The following DNAJC1 variants were observed in gnomAD, a reference collection of about 807,000 sequenced individuals.
DNAJC1 encodes the protein dnaJ homolog subfamily C member 1.
A neutral mutation model predicts 76.6 loss-of-function variants in DNAJC1; 58 were observed. The ratio of observed to expected loss-of-function variants is 0.76; its 90% confidence interval spans 0.61 to 0.94. The LOEUF (loss-of-function observed/expected upper bound fraction) is 0.94, where lower values mean the gene tolerates loss of function less well. Among genes scored for constraint, DNAJC1 ranks in the 40% least tolerant of loss-of-function variants. The pLI, the probability that DNAJC1 is intolerant of heterozygous loss-of-function variation, is 0.00. For missense variants in DNAJC1, 689 were observed against 677.3 expected (o/e 1.02, Z -0.19); for synonymous variants, 258 against 267.9 (o/e 0.96, Z 0.36).
At chr10:21,980,193 T>A (rs1378147147) in intron 1 of DNAJC1, among the ~76,000 whole-genome samples, 1 of 152,066 alleles carries the variant, frequency 6.6e-6, no homozygotes, top group Non-Finnish European at 1.5e-5. Context: ...GAACAAACTA[T>A]ATACACATAT....
intron 8 of DNAJC1, among the ~76,000 whole-genome samples, chr10:21,852,068 TA>T (rs1034392129): frequency 1.5e-4 from 17 of 115,970 alleles, no homozygotes; most frequent in South Asian, 2.8e-4. Context: ...AAATAAAAAA[TA>T]AAAAAAATAA....
At chr10:21,778,358 G>A (rs1360975558) in intron 9 of DNAJC1, among the ~76,000 whole-genome samples, 2 of 152,130 alleles carry the variant, frequency 1.3e-5, no homozygotes, top group Admixed American at 6.5e-5. Flanking sequence ...AAAACAAAAG[G>A]ATTGCATTCA....
At chr10:21,860,118 A>G (rs565133151) in intron 8 of DNAJC1, among the ~76,000 whole-genome samples, 6 of 151,848 alleles carry the variant, frequency 4.0e-5, no homozygotes, top group East Asian at 1.9e-4. Context: ...CAGAGAGGGT[A>G]ACTAGGACAT....
intron 8 of DNAJC1, among the ~76,000 whole-genome samples, chr10:21,825,247 A>G (rs182359488): frequency 1.0e-3 from 156 of 152,310 alleles, no homozygotes; most frequent in Middle Eastern, 0.01. Context: ...TGGAAAACAC[A>G]TATTTGCATT....
rs368416541 is a variant in DNAJC1, at chr10:21,970,092, T to C, written c.222+33121A>G. Among the ~76,000 whole-genome samples the C allele has an allele frequency of 3.3e-5, 5 of 152,320 alleles. No homozygotes were observed. In the East Asian group the frequency reaches 5.8e-4, roughly 18 times the overall value. Reference sequence around the variant, plus strand: ...TAACCTTTTAACAATTTATTTGTATTAGCATTTCTCACTACTCAGCATTTT... The same window carrying C: ...TAACCTTTTAACAATTTATTTGTATCAGCATTTCTCACTACTCAGCATTTT... On this transcript the variant is annotated intron_variant, in intron 1 of 11. Transcript: ENST00000376980.
intron 1 of DNAJC1, among the ~76,000 whole-genome samples, chr10:21,987,705 AAC>A (rs1838269374): frequency 6.6e-6 from 1 of 152,220 alleles, no homozygotes; most frequent in Admixed American, 6.5e-5. Context: ...TTATCTCATA[AAC>A]ATGAAAACAT....
At chr10:21,926,761 C>T (rs1479199400) in intron 3 of DNAJC1, among the ~76,000 whole-genome samples, 1 of 152,150 alleles carries the variant, frequency 6.6e-6, no homozygotes, top group Non-Finnish European at 1.5e-5. Flanking sequence ...GGTATAAATA[C>T]TACAGCTGTT....
chr10:21,807,134 A>C (rs958963803), intron 8 of DNAJC1, among the ~76,000 whole-genome samples: 1 of 152,212 alleles, frequency 6.6e-6, no homozygotes, highest in Non-Finnish European at 1.5e-5. Flanking sequence ...CCTTTAATTA[A>C]AATGAAAGAA....
chr10:21,786,360 C>T (rs1420678025), intron 9 of DNAJC1, among the ~76,000 whole-genome samples: 2 of 149,876 alleles, frequency 1.3e-5, no homozygotes, highest in Admixed American at 1.3e-4. Flanking sequence ...CTTCAGATTT[C>T]CCACCCATAA....
At chr10:21,998,463 G>A (rs909451503) in intron 1 of DNAJC1, among the ~76,000 whole-genome samples, 2 of 151,604 alleles carry the variant, frequency 1.3e-5, no homozygotes, top group Non-Finnish European at 2.9e-5. Context: ...TGAGAAGCAG[G>A]TGCTGTTACA....
In DNAJC1 at chr10:22,000,754, C is replaced by T. The variant is rs950791019; in HGVS notation, c.222+2459G>A. ...GAGATTAGTGTCCTTATAAAAGAAG[C>T]CCCAGAGAGCTGCCCTGCCCGTACC... On this transcript the variant is annotated intron_variant, in intron 1 of 11. Coordinates refer to ENST00000376980, the MANE Select transcript of DNAJC1 (RefSeq NM_022365.4). Among the ~76,000 whole-genome samples the T allele has an allele frequency of 2.6e-5, 4 of 152,276 alleles. No individual in the cohort carries two copies. In the South Asian group the frequency reaches 8.3e-4, roughly 32 times the overall value.
chr10:21,779,685 C>T (rs1000320690), intron 9 of DNAJC1, among the ~76,000 whole-genome samples: 7 of 152,182 alleles, frequency 4.6e-5, no homozygotes, highest in South Asian at 2.1e-4. Context: ...AAAATCTGAG[C>T]GCCTCTCCTC....
intron 9 of DNAJC1, among the ~76,000 whole-genome samples, chr10:21,769,171 T>C (rs2131620266): frequency 6.6e-6 from 1 of 152,334 alleles, no homozygotes; most frequent in Middle Eastern, 3.4e-3. Flanking sequence ...TCATCCCAGC[T>C]ATTCGATAAT....
chr10:21,802,855 A>G (rs989941349), intron 9 of DNAJC1, among the ~76,000 whole-genome samples: 2 of 152,144 alleles, frequency 1.3e-5, no homozygotes, highest in African/African-American at 4.8e-5. Flanking sequence ...CATGCGAGAC[A>G]GTTTTTGTTT....
chr10:21,962,506 C>A (rs1409033080), intron 1 of DNAJC1, among the ~76,000 whole-genome samples: 3 of 141,678 alleles, frequency 2.1e-5, no homozygotes, highest in Admixed American at 7.2e-5. Flanking sequence ...CACTCTGTCA[C>A]CCAGGCTGGA....
intron 6 of DNAJC1, among the ~76,000 whole-genome samples, chr10:21,917,185 A>G (rs576404711): frequency 2.0e-5 from 3 of 152,200 alleles, no homozygotes; most frequent in African/African-American, 7.2e-5. Flanking sequence ...TCATTTTTGT[A>G]TATTTTCTAC....
At chr10:21,993,105 T>C (rs1185286175) in intron 1 of DNAJC1, among the ~76,000 whole-genome samples, 1 of 94,188 alleles carries the variant, frequency 1.1e-5, no homozygotes, top group East Asian at 6.1e-4. Context: ...ATATATACTT[T>C]TATATTTACC....
chr10:21,791,859 G>A (rs1834692636), intron 9 of DNAJC1, among the ~76,000 whole-genome samples: 1 of 151,762 alleles, frequency 6.6e-6, no homozygotes, highest in Non-Finnish European at 1.5e-5. Context: ...CAGAAAGAAA[G>A]GAATAATAGA....
chr10:21,846,118 G>A (rs1440982147), intron 8 of DNAJC1, among the ~76,000 whole-genome samples: 1 of 152,112 alleles, frequency 6.6e-6, no homozygotes, highest in Non-Finnish European at 1.5e-5. Context: ...TCATGTTAAC[G>A]CATCAGTAAA....
Sources: allele counts gnomAD v4.1 joint callset (sites outside exome capture counted in the v4.1 genomes callset), GRCh38; gene constraint gnomAD v4.1.1; transcripts MANE v1.5; gene names NCBI Gene and HGNC (gene_info 2026-07-23, HGNC 2026-07-21).